PREX2: variants seen among roughly 807,000 people sequenced by gnomAD.
The protein encoded by PREX2 is phosphatidylinositol-3,4,5-trisphosphate dependent Rac exchange factor 2.
In PREX2, 107 loss-of-function variants were observed where a neutral mutation model predicts 203.2. The ratio of observed to expected loss-of-function variants is 0.53; its 90% CI spans 0.45 to 0.62. PREX2 has a LOEUF of 0.62. Ranked by LOEUF, PREX2 falls within the 20% of genes least tolerant of loss-of-function variation. The probability of loss-of-function intolerance (pLI) is 0.00; values close to 1 mark genes in which losing one functional copy is unlikely to be tolerated. For synonymous variants in PREX2, 672 were observed against 663.6 expected (o/e 1.01, Z -0.19); for missense variants, 1,777 against 1,955.9 (o/e 0.91, Z 1.72).
At chr8:68,127,912 G>A (rs1275738863) in intron 31 of PREX2, among the ~76,000 whole-genome samples, 8 of 152,096 alleles carry the variant, frequency 5.3e-5, no homozygotes. Flanking sequence ...ATGATAGACT[G>A]TAAATGTCAT....
chr8:68,220,054 A>G (rs1386836465), intron 38 of PREX2: 1 of 151,780 alleles, frequency 6.6e-6, no homozygotes, highest in African/African-American at 2.4e-5. Context: ...TTAAAGTTTT[A>G]TAATATATAA....
intron 34 of PREX2, among the ~76,000 whole-genome samples, chr8:68,151,478 A>T (rs1020464183): frequency 5.3e-5 from 8 of 152,118 alleles, no homozygotes; most frequent in African/African-American, 1.9e-4. Context: ...GGACTTTGTC[A>T]TCTCTTTTTG....
rs1181996216 is a variant in PREX2, at chr8:68,232,334, A to G, written c.*956A>G. The G allele has an allele frequency of 1.3e-5, 2 of 152,144 alleles. No homozygotes were observed. The highest frequency in any genetic ancestry group is 2.9e-5 in the Non-Finnish European group (2 of 68,030). 9.4% of individuals were successfully genotyped at this position (152,144 alleles called of 1,614,324 possible). ...AATTTTTCTGTTAAGATATATGTAT[A>G]AGATATGAAAATAAGGCTTTATTTG... On this transcript the variant is annotated 3_prime_UTR_variant, in exon 40 of 40. Transcript: ENST00000288368.
At chr8:68,055,772 C>CTGAA (rs958708996) in intron 9 of PREX2, 58 bp from the exon 10 acceptor site, 61 of 1,504,496 alleles carry the variant, frequency 4.1e-5, no homozygotes, top group Non-Finnish European at 5.2e-5. Flanking sequence ...GAAGCCATAA[C>CTGAA]TGAATGAATG....
At position 68,234,703 on chromosome 8, in the gene PREX2, C is replaced by T. The variant is rs1813233038; in HGVS notation, c.*3325C>T. On this transcript the variant is annotated 3_prime_UTR_variant, in exon 40 of 40. Transcript: ENST00000288368. ...TTATCAGTTCGCAAATCTGAAGTCT[C>T]ATACTGTTTTCTGTCTCTTTAAAAC... 6.6e-6 allele frequency: 1 copy of T among 152,070 alleles called. No homozygotes were observed. Among genetic ancestry groups the T allele is most frequent in the African/African-American group, 2.4e-5 (1 of 41,416 alleles). 9.4% of individuals were successfully genotyped at this position (152,070 alleles called of 1,614,324 possible). A position where few individuals can be genotyped will look rare whatever the true frequency, so the allele number is the denominator to read the frequency against.
intron 34 of PREX2, among the ~76,000 whole-genome samples, chr8:68,152,007 T>G (rs1811444207): frequency 6.6e-6 from 1 of 151,856 alleles, no homozygotes; most frequent in Non-Finnish European, 1.5e-5. Flanking sequence ...AGATAAATCT[T>G]GGCCAGGCGT....
At chr8:68,194,530 A>G (rs546486460) in intron 37 of PREX2, among the ~76,000 whole-genome samples, 4 of 152,040 alleles carry the variant, frequency 2.6e-5, no homozygotes, top group Admixed American at 1.3e-4. Flanking sequence ...GCTCATGCCT[A>G]TAATCCTGGC....
chr8:68,130,731 T>C (rs1368682942), intron 31 of PREX2, among the ~76,000 whole-genome samples: 1 of 152,210 alleles, frequency 6.6e-6, no homozygotes, highest in Non-Finnish European at 1.5e-5. Context: ...CACAGGCCAC[T>C]TCTCTGGCCT....
At chr8:68,117,723 C>CAT (rs1810685901) in intron 26 of PREX2, among the ~76,000 whole-genome samples, 1 of 152,206 alleles carries the variant, frequency 6.6e-6, no homozygotes, top group African/African-American at 2.4e-5. Flanking sequence ...CACACACAAA[C>CAT]ATATTGAACC....
chr8:68,112,736 G>A (rs1433170723), intron 25 of PREX2, among the ~76,000 whole-genome samples: 1 of 152,058 alleles, frequency 6.6e-6, no homozygotes, highest in Non-Finnish European at 1.5e-5. Flanking sequence ...TTAGATGCAG[G>A]GAGAGGAAAT....
chr8:68,054,522 TAA>T (rs978179342), intron 9 of PREX2, among the ~76,000 whole-genome samples: 2 of 152,144 alleles, frequency 1.3e-5, no homozygotes, highest in Non-Finnish European at 2.9e-5. Flanking sequence ...TTGTCAAAAA[TAA>T]AAATCTGGTA....
At chr8:68,173,191 AT>A (rs1160056456) in intron 35 of PREX2, among the ~76,000 whole-genome samples, 1 of 152,198 alleles carries the variant, frequency 6.6e-6, no homozygotes, top group African/African-American at 2.4e-5. Context: ...CACATTGGCC[AT>A]CTTTTCTGTG....
At chr8:68,224,687 G>T in intron 39 of PREX2, 61 bp downstream of exon 39, 2 of 1,259,864 alleles carry the variant, frequency 1.6e-6, no homozygotes, top group Non-Finnish European at 2.3e-6. Context: ...CCCCGGCAGT[G>T]TCCCTCCGCT....
intron 13 of PREX2, among the ~76,000 whole-genome samples, chr8:68,071,292 G>T (rs1263398768): frequency 6.6e-6 from 1 of 152,078 alleles, no homozygotes; most frequent in Admixed American, 6.6e-5. Flanking sequence ...TGATAGTCAG[G>T]CTTTTAATAT....
rs1050297080 is a variant in PREX2, at chr8:68,234,706, A to G, written c.*3328A>G. 1 of 152,080 alleles carries G rather than the reference A, an allele frequency of 6.6e-6. No individual in the cohort carries two copies. The highest frequency in any genetic ancestry group is 1.5e-5 in the Non-Finnish European group (1 of 68,012). The allele number at this position is 152,080 out of a possible 1,614,324, so 9.4% of individuals were successfully genotyped here. A position where few individuals can be genotyped will look rare whatever the true frequency, so the allele number is the denominator to read the frequency against. On this transcript the variant is annotated 3_prime_UTR_variant, in exon 40 of 40. Coordinates refer to ENST00000288368, the MANE Select transcript of PREX2 (RefSeq NM_024870.4). ...TCAGTTCGCAAATCTGAAGTCTCAT[A>G]CTGTTTTCTGTCTCTTTAAAACACA...
rs750527179 is a variant in PREX2, at chr8:68,105,097, G to C, written c.2716-3012G>C. Reference sequence around the variant, plus strand: ...GCACAATCAGGATGTTCTCATGCATGAACCACCATCAATTCAAGAACTGTA... The same window carrying C: ...GCACAATCAGGATGTTCTCATGCATCAACCACCATCAATTCAAGAACTGTA... On this transcript the variant is annotated intron_variant, in intron 23 of 39. Coordinates refer to ENST00000288368, the MANE Select transcript of PREX2 (RefSeq NM_024870.4). 8 of 1,356,024 alleles carry C rather than the reference G, an allele frequency of 5.9e-6. No individual in the cohort carries two copies. The Admixed American group carries it at 1.5e-4, about 26-fold the overall frequency. The allele number at this position is 1,356,024 out of a possible 1,614,324, so 84.0% of individuals were successfully genotyped here. A position where few individuals can be genotyped will look rare whatever the true frequency, so the allele number is the denominator to read the frequency against.
rs574648780 is a variant in PREX2, at chr8:67,959,013, T to C, written c.141+6478T>C. 4.6e-5 allele frequency among the ~76,000 whole-genome samples: 7 copies of C among 152,322 alleles called. No individual in the cohort carries two copies. In the South Asian group the frequency reaches 1.0e-3, roughly 23 times the overall value. Reference sequence around the variant, plus strand: ...CTAAAAATTAACTAATCATGTATTTTGAAACCATCAATTGAGTGAGATGGC... The same window carrying C: ...CTAAAAATTAACTAATCATGTATTTCGAAACCATCAATTGAGTGAGATGGC... On this transcript the variant is annotated intron_variant, in intron 1 of 39. Coordinates refer to ENST00000288368, the MANE Select transcript of PREX2 (RefSeq NM_024870.4).
chr8:68,176,025 C>CTT (rs1190860796), intron 35 of PREX2, among the ~76,000 whole-genome samples: 4 of 152,026 alleles, frequency 2.6e-5, no homozygotes, highest in Non-Finnish European at 5.9e-5. Flanking sequence ...AATCCCAGAA[C>CTT]TTTATGAGAT....
At chr8:68,168,347 A>G (rs562580225) in intron 35 of PREX2, among the ~76,000 whole-genome samples, 3 of 152,324 alleles carry the variant, frequency 2.0e-5, no homozygotes, top group African/African-American at 7.2e-5. Context: ...GAAATGTAAT[A>G]TATACTCATA....
Sources: gnomAD v4.1 joint callset for allele counts (sites outside exome capture counted in the v4.1 genomes callset) on GRCh38, gnomAD v4.1.1 for gene constraint, MANE v1.5 for transcripts, NCBI Gene and HGNC (gene_info 2026-07-23, HGNC 2026-07-21) for gene names.